Variants in ZNF804B observed in about 807,000 individuals in gnomAD.
ZNF804B encodes the protein zinc finger 804B.
Under a neutral mutation model 101.4 loss-of-function variants are expected in ZNF804B, and 80 were observed. That is an observed-to-expected ratio of 0.79 (90% CI 0.66 to 0.95). The LOEUF is 0.95. Among genes scored for constraint, ZNF804B ranks in the 40% least tolerant of loss-of-function variants. The probability of loss-of-function intolerance (pLI) is 0.00; values close to 1 mark genes in which losing one functional copy is unlikely to be tolerated. For missense variants in ZNF804B, 1,673 were observed against 1,561.9 expected, an observed-to-expected ratio of 1.07 and a Z score of -1.20; for synonymous variants, 622 against 558.8, an observed-to-expected ratio of 1.11 and a Z score of -1.59.
chr7:89,056,520 G>T (rs1203649314), intron 1 of ZNF804B, among the ~76,000 whole-genome samples: 1 of 152,068 alleles, frequency 6.6e-6, no homozygotes, highest in East Asian at 1.9e-4. Context: ...ATTGAATACA[G>T]CAAAGAAAAT....
At chr7:88,805,705 G>A (rs759216447) in intron 1 of ZNF804B, among the ~76,000 whole-genome samples, 1 of 152,170 alleles carries the variant, frequency 6.6e-6, no homozygotes, top group Non-Finnish European at 1.5e-5. Flanking sequence ...ACATTCCTGG[G>A]GGTCTAGAGT....
chr7:89,006,117 T>A (rs1179954295), intron 1 of ZNF804B, among the ~76,000 whole-genome samples: 1 of 152,142 alleles, frequency 6.6e-6, no homozygotes, highest in African/African-American at 2.4e-5. Flanking sequence ...TGGAATTTGG[T>A]AACAAAACCT....
At chr7:89,331,392 A>G (rs1790979779) in intron 3 of ZNF804B, among the ~76,000 whole-genome samples, 1 of 151,756 alleles carries the variant, frequency 6.6e-6, no homozygotes, top group Admixed American at 6.6e-5. Flanking sequence ...CTCATATACT[A>G]TCTTAGAATG....
chr7:88,972,157 T>C (rs1236784570), intron 1 of ZNF804B, among the ~76,000 whole-genome samples: 1 of 151,572 alleles, frequency 6.6e-6, no homozygotes, highest in East Asian at 2.0e-4. Flanking sequence ...AAAGCTTCAC[T>C]AAAAATGGAA....
intron 1 of ZNF804B, among the ~76,000 whole-genome samples, chr7:88,872,793 A>G (rs1391053286): frequency 6.7e-6 from 1 of 150,200 alleles, no homozygotes; most frequent in Admixed American, 6.6e-5. Context: ...TACAAAGGAC[A>G]TGAACTCATC....
intron 1 of ZNF804B, among the ~76,000 whole-genome samples, chr7:89,089,086 G>A (rs946663356): frequency 4.1e-5 from 6 of 146,782 alleles, no homozygotes; most frequent in South Asian, 2.1e-4. Context: ...GGGAGTCTAA[G>A]GAGAGCTAAA....
chr7:89,208,098 T>TTTTTG, intron 1 of ZNF804B, among the ~76,000 whole-genome samples: 1 of 151,244 alleles, frequency 6.6e-6, no homozygotes. Context: ...TTTTTTTTTT[T>TTTTTG]TGAGACAGAG....
At chr7:88,794,067 T>C in intron 1 of ZNF804B, 2 of 745,248 alleles carry the variant, frequency 2.7e-6, no homozygotes, top group South Asian at 2.2e-5. Context: ...ATTACCTCTG[T>C]GTATATTGCA....
intron 1 of ZNF804B, among the ~76,000 whole-genome samples, chr7:88,791,814 C>T (rs1294409208): frequency 6.6e-6 from 1 of 152,100 alleles, no homozygotes; most frequent in African/African-American, 2.4e-5. Flanking sequence ...CGTAATCATT[C>T]ACCCAAACCT....
chr7:89,093,683 G>A (rs921817967), intron 1 of ZNF804B, among the ~76,000 whole-genome samples: 10 of 152,324 alleles, frequency 6.6e-5, no homozygotes, highest in African/African-American at 2.2e-4. Context: ...CCAAGAAAAC[G>A]TTCAATCTGC....
chr7:89,088,698 A>G (rs1424736404), intron 1 of ZNF804B, among the ~76,000 whole-genome samples: 7 of 149,646 alleles, frequency 4.7e-5, no homozygotes, highest in African/African-American at 1.7e-4. Context: ...ACCCCCTGTC[A>G]TGCTCCATGT....
chr7:89,045,087 G>C (rs1319500983), intron 1 of ZNF804B, among the ~76,000 whole-genome samples: 1 of 152,198 alleles, frequency 6.6e-6, no homozygotes, highest in Non-Finnish European at 1.5e-5. Context: ...AGCTGATTCA[G>C]CTCCAGCCAG....
At chr7:88,862,790 C>G (rs1425782754) in intron 1 of ZNF804B, among the ~76,000 whole-genome samples, 1 of 151,228 alleles carries the variant, frequency 6.6e-6, no homozygotes, top group Non-Finnish European at 1.5e-5. Context: ...TTTACGCTGT[C>G]ATTTTTTTTT....
At chr7:88,794,825 G>T in intron 1 of ZNF804B, 2 of 1,613,788 alleles carry the variant, frequency 1.2e-6, no homozygotes, top group Non-Finnish European at 1.7e-6. Context: ...TTTAGGTGTA[G>T]TCGTTGTTTC....
intron 1 of ZNF804B, among the ~76,000 whole-genome samples, chr7:88,864,934 A>G (rs925902705): frequency 6.6e-6 from 1 of 152,148 alleles, no homozygotes; most frequent in Non-Finnish European, 1.5e-5. Flanking sequence ...CCACCCATAA[A>G]AATATTTAAC....
chr7:89,293,668 C>G (rs999921013), intron 2 of ZNF804B, among the ~76,000 whole-genome samples: 2 of 151,970 alleles, frequency 1.3e-5, no homozygotes, highest in East Asian at 3.9e-4. Context: ...ACCTGTAGTC[C>G]CAGCTACTTG....
chr7:88,841,181 T>C (rs900538976), intron 1 of ZNF804B, among the ~76,000 whole-genome samples: 2 of 152,198 alleles, frequency 1.3e-5, no homozygotes, highest in Non-Finnish European at 2.9e-5. Context: ...ACATCACACA[T>C]AATAGGAATG....
chr7:89,069,952 T>C (rs1271265347), intron 1 of ZNF804B, among the ~76,000 whole-genome samples: 1 of 152,162 alleles, frequency 6.6e-6, no homozygotes, highest in East Asian at 1.9e-4. Context: ...ACAAACTTAG[T>C]GCTTGATAAA....
intron 1 of ZNF804B, among the ~76,000 whole-genome samples, chr7:88,967,354 A>G (rs929924148): frequency 1.3e-5 from 2 of 151,354 alleles, no homozygotes; most frequent in African/African-American, 2.4e-5. Context: ...AAACAACCAG[A>G]TCTGGTGAGA....
Sources: gnomAD v4.1 joint callset for allele counts (sites outside exome capture counted in the v4.1 genomes callset) on GRCh38, gnomAD v4.1.1 for gene constraint, MANE v1.5 for transcripts, NCBI Gene and HGNC (gene_info 2026-07-23, HGNC 2026-07-21) for gene names.